The following PCCA variants were observed in gnomAD, a reference collection of about 807,000 sequenced individuals.
PCCA encodes propionyl-CoA carboxylase alpha chain, mitochondrial.
Under a neutral mutation model 101.3 loss-of-function variants are expected in PCCA, and 74 were observed. The ratio of observed to expected loss-of-function variants is 0.73; its 90% CI spans 0.61 to 0.89. PCCA has a LOEUF of 0.89. Among genes scored for constraint, PCCA ranks in the 40% least tolerant of loss-of-function variants. PCCA has a pLI of 0.00. For synonymous variants in PCCA, 294 were observed against 313.6 expected (o/e 0.94, Z 0.66); for missense variants, 891 against 907.0 (o/e 0.98, Z 0.23).
chr13:100,218,098 TAGTTGAAAGA>T (rs2059620846), intron 7 of PCCA, among the ~76,000 whole-genome samples: 1 of 151,652 alleles, frequency 6.6e-6, no homozygotes, highest in Non-Finnish European at 1.5e-5. Flanking sequence ...ATCCATTCAT[TAGTTGAAAGA>T]CATTTGGGTT....
At chr13:100,398,789 T>C (rs1399147521) in intron 19 of PCCA, among the ~76,000 whole-genome samples, 2 of 152,184 alleles carry the variant, frequency 1.3e-5, no homozygotes, top group Admixed American at 6.5e-5. Flanking sequence ...TATTTCTCTT[T>C]AGTAATGCAC....
chr13:100,309,398 A>T (rs2066730027), intron 15 of PCCA, among the ~76,000 whole-genome samples: 1 of 152,222 alleles, frequency 6.6e-6, no homozygotes, highest in Non-Finnish European at 1.5e-5. Flanking sequence ...CTCCATCTCA[A>T]AAATAAAAAA....
At chr13:100,276,069 C>T (rs2063632979) in intron 12 of PCCA, among the ~76,000 whole-genome samples, 1 of 151,944 alleles carries the variant, frequency 6.6e-6, no homozygotes, top group Non-Finnish European at 1.5e-5. Flanking sequence ...TCATGAAATG[C>T]GTTTTTACTC....
chr13:100,262,687 T>G, intron 9 of PCCA, 42 bp from the exon 10 acceptor site: 3 of 560,636 alleles, frequency 5.4e-6, no homozygotes, highest in Non-Finnish European at 7.0e-6. Context: ...CCCCTTCCCC[T>G]CCCTCTCCCC....
chr13:100,142,432 G>A (rs1011888313), intron 4 of PCCA, among the ~76,000 whole-genome samples: 5 of 151,524 alleles, frequency 3.3e-5, no homozygotes, highest in African/African-American at 1.2e-4. Context: ...AGAAATTAAA[G>A]GACTAACTCC....
chr13:100,219,591 C>T (rs1033207198), intron 7 of PCCA, among the ~76,000 whole-genome samples: 58 of 152,056 alleles, frequency 3.8e-4, no homozygotes, highest in African/African-American at 1.2e-3. Context: ...TTGTTGATTC[C>T]GAGGGAGAGC....
intron 19 of PCCA, among the ~76,000 whole-genome samples, chr13:100,369,308 A>T (rs530546247): frequency 2.8e-4 from 42 of 152,314 alleles, no homozygotes; most frequent in African/African-American, 9.9e-4. Flanking sequence ...AATTGCATTG[A>T]AATGTCATTT....
chr13:100,229,708 C>A (rs140507982), intron 7 of PCCA, among the ~76,000 whole-genome samples: 1 of 152,208 alleles, frequency 6.6e-6, no homozygotes, highest in African/African-American at 2.4e-5. Flanking sequence ...AAACCGGACA[C>A]AGCAGTAGGG....
At chr13:100,329,865 AC>A (rs1363012288) in intron 16 of PCCA, among the ~76,000 whole-genome samples, 5 of 152,184 alleles carry the variant, frequency 3.3e-5, no homozygotes, top group Admixed American at 1.3e-4. Context: ...TGAAACCATT[AC>A]ATCTGAGAAG....
At chr13:100,179,383 AG>A (rs1350006237) in intron 6 of PCCA, among the ~76,000 whole-genome samples, 1 of 152,108 alleles carries the variant, frequency 6.6e-6, no homozygotes, top group Admixed American at 6.5e-5. Flanking sequence ...TGGAAAAAAA[AG>A]ACTAAAATGT....
At chr13:100,126,335 T>C (rs1234473777) in intron 4 of PCCA, among the ~76,000 whole-genome samples, 3 of 152,180 alleles carry the variant, frequency 2.0e-5, no homozygotes, top group African/African-American at 7.2e-5. Context: ...TGCCCTTTCA[T>C]ATATTCGTGT....
At chr13:100,387,587 A>G (rs1376512261) in intron 19 of PCCA, among the ~76,000 whole-genome samples, 31 of 152,228 alleles carry the variant, frequency 2.0e-4, no homozygotes. Context: ...TTTCAAGGCA[A>G]ATTCATCCAA....
At chr13:100,254,404 G>A (rs1424795449) in intron 8 of PCCA, among the ~76,000 whole-genome samples, 1 of 152,174 alleles carries the variant, frequency 6.6e-6, no homozygotes, top group Non-Finnish European at 1.5e-5. Context: ...GTGCTCCAGT[G>A]GATGAGAAAA....
chr13:100,421,740 G>A (rs559195858), intron 19 of PCCA, among the ~76,000 whole-genome samples: 1 of 151,768 alleles, frequency 6.6e-6, no homozygotes, highest in African/African-American at 2.4e-5. Flanking sequence ...GCTGGAGTGT[G>A]GTGGCGCGAT....
intron 19 of PCCA, among the ~76,000 whole-genome samples, chr13:100,401,346 C>T (rs752538832): frequency 1.2e-4 from 18 of 152,024 alleles, no homozygotes; most frequent in African/African-American, 3.1e-4. Flanking sequence ...TGGGTTCAAG[C>T]GATTCTCCTG....
At chr13:100,516,347 C>T (rs2086827359) in intron 22 of PCCA, among the ~76,000 whole-genome samples, 2 of 152,178 alleles carry the variant, frequency 1.3e-5, no homozygotes, top group Non-Finnish European at 2.9e-5. Context: ...TATCTCAGGT[C>T]ACTGGGACTT....
At chr13:100,260,602 G>T (rs973911751) in intron 9 of PCCA, among the ~76,000 whole-genome samples, 1 of 151,874 alleles carries the variant, frequency 6.6e-6, no homozygotes, top group Non-Finnish European at 1.5e-5. Context: ...TCACCGTGTT[G>T]CCCAGGCTGG....
At chr13:100,284,026 C>T (rs188644183) in intron 12 of PCCA, among the ~76,000 whole-genome samples, 43 of 152,242 alleles carry the variant, frequency 2.8e-4, no homozygotes, top group Middle Eastern at 3.4e-3. Flanking sequence ...CCTCACTGAG[C>T]CCCCGGTATG....
rs528909362 is a variant in PCCA at position 100,090,403 on chromosome 13, A to T, written c.105+1178A>T. Among the ~76,000 whole-genome samples the T allele has an allele frequency of 2.0e-5, 3 of 152,282 alleles. No individual in the cohort carries two copies. The East Asian group carries it at 5.8e-4, about 29-fold the overall frequency. ...GTTGGCCACTTCAATTGCAGCTGTA[A>T]GACTTATGCATTTACATAGGAGGCA... On this transcript the variant is annotated intron_variant, in intron 1 of 23. Coordinates refer to ENST00000376285, the MANE Select transcript of PCCA (RefSeq NM_000282.4).
Sources: allele counts gnomAD v4.1 joint callset (sites outside exome capture counted in the v4.1 genomes callset), GRCh38; gene constraint gnomAD v4.1.1; transcripts MANE v1.5; gene names NCBI Gene and HGNC (gene_info 2026-07-23, HGNC 2026-07-21).